Variants in ST6GALNAC5 observed in about 807,000 individuals in gnomAD.
ST6GALNAC5 encodes ST6 N-acetylgalactosaminide alpha-2,6-sialyltransferase 5.
ST6GALNAC5 carries 27 observed loss-of-function variants against 33.6 expected under a neutral mutation model. The ratio of observed to expected loss-of-function variants is 0.80; its 90% CI spans 0.59 to 1.11. The LOEUF (loss-of-function observed/expected upper bound fraction) is 1.11. Ranked by LOEUF, ST6GALNAC5 falls within the 50% of genes least tolerant of loss-of-function variation. The pLI, the probability that ST6GALNAC5 is intolerant of heterozygous loss-of-function variation, is 0.00. For synonymous variants in ST6GALNAC5, 194 were observed against 171.2 expected (o/e 1.13, Z -1.04); for missense variants, 428 against 454.0 (o/e 0.94, Z 0.52).
At chr1:76,877,189 G>A (rs970781487) in intron 2 of ST6GALNAC5, among the ~76,000 whole-genome samples, 1 of 152,148 alleles carries the variant, frequency 6.6e-6, no homozygotes, top group South Asian at 2.1e-4. Context: ...AGATGGCAGG[G>A]CCTTGCTCCA....
At chr1:76,927,007 T>G (rs1167308589) in intron 2 of ST6GALNAC5, among the ~76,000 whole-genome samples, 2 of 152,146 alleles carry the variant, frequency 1.3e-5, no homozygotes, top group Admixed American at 1.3e-4. Context: ...GATTTTCATC[T>G]TATTTAAAAT....
chr1:76,893,610 A>G (rs1475370406), intron 2 of ST6GALNAC5, among the ~76,000 whole-genome samples: 5 of 152,156 alleles, frequency 3.3e-5, no homozygotes, highest in Non-Finnish European at 7.4e-5. Flanking sequence ...GACTCAGGAA[A>G]TATTAGCCAT....
At chr1:76,935,574 G>T (rs1255823169) in intron 2 of ST6GALNAC5, among the ~76,000 whole-genome samples, 3 of 151,996 alleles carry the variant, frequency 2.0e-5, no homozygotes, top group African/African-American at 7.2e-5. Flanking sequence ...TTAATTTGGG[G>T]ATAAAATTGG....
intron 2 of ST6GALNAC5, among the ~76,000 whole-genome samples, chr1:76,968,227 G>C (rs966637754): frequency 3.3e-5 from 5 of 152,150 alleles, no homozygotes; most frequent in African/African-American, 1.2e-4. Context: ...AAGTCCCTTT[G>C]TAGGTCTCTA....
chr1:77,063,832 A>G lies in ST6GALNAC5; in HGVS notation c.*626A>G, dbSNP rs1181407318. The G allele has an allele frequency of 6.5e-6, 1 of 152,978 alleles. No individual in the cohort carries two copies. The allele number at this position is 152,978 out of a possible 1,614,324, so 9.5% of individuals were successfully genotyped here. ...CTCTTTAATCCTGAATGATGGTTGG[A>G]AATGGCCTAGAATTAGGTTACTCTG... On this transcript the variant is annotated 3_prime_UTR_variant, in exon 5 of 5. Transcript: ENST00000477717.
intron 2 of ST6GALNAC5, among the ~76,000 whole-genome samples, chr1:77,007,743 A>G (rs1302727140): frequency 6.6e-6 from 1 of 152,264 alleles, no homozygotes; most frequent in Non-Finnish European, 1.5e-5. Flanking sequence ...TGTAATCCTT[A>G]TAGCTTGGTG....
At chr1:76,963,698 G>C (rs1648340563) in intron 2 of ST6GALNAC5, among the ~76,000 whole-genome samples, 1 of 152,148 alleles carries the variant, frequency 6.6e-6, no homozygotes, top group Non-Finnish European at 1.5e-5. Flanking sequence ...ATTTGTGGTA[G>C]ACAGAACAAA....
chr1:76,872,364 G>A (rs375680232), intron 2 of ST6GALNAC5, among the ~76,000 whole-genome samples: 33 of 152,222 alleles, frequency 2.2e-4, no homozygotes, highest in East Asian at 1.4e-3. Context: ...ATGAAAGGGC[G>A]GTGATCAATG....
intron 2 of ST6GALNAC5, among the ~76,000 whole-genome samples, chr1:76,914,199 C>T (rs374968232): frequency 6.6e-6 from 1 of 152,144 alleles, no homozygotes; most frequent in South Asian, 2.1e-4. Context: ...AGGATACAAA[C>T]AAATGGAAGA....
At chr1:77,032,113 C>A (rs1219293506) in intron 2 of ST6GALNAC5, among the ~76,000 whole-genome samples, 1 of 152,064 alleles carries the variant, frequency 6.6e-6, no homozygotes, top group South Asian at 2.1e-4. Context: ...ATTATTGCTC[C>A]GGTTTACAAT....
chr1:77,055,615 A>G (rs763954550), intron 4 of ST6GALNAC5, among the ~76,000 whole-genome samples: 39 of 152,202 alleles, frequency 2.6e-4, no homozygotes, highest in Non-Finnish European at 5.3e-4. Flanking sequence ...CTCAAGAGCC[A>G]ATGCTCTTAA....
At position 76,945,065 on chromosome 1, in the gene ST6GALNAC5, G is replaced by A. The variant is rs374006206; in HGVS notation, c.261+76323G>A. Among the ~76,000 whole-genome samples the A allele has an allele frequency of 3.3e-5, 5 of 152,144 alleles. No homozygotes were observed. The East Asian group carries it at 7.8e-4, about 24-fold the overall frequency. On this transcript the variant is annotated intron_variant, in intron 2 of 4. Coordinates refer to ENST00000477717, the MANE Select transcript of ST6GALNAC5 (RefSeq NM_030965.3). ...GAGTCTGGGCAATGCTAGAGTCAGTGGGTAAAATGGCTTTGGAGTGTGGCA... is the reference window on the plus strand; with the variant it reads ...GAGTCTGGGCAATGCTAGAGTCAGTAGGTAAAATGGCTTTGGAGTGTGGCA...
At chr1:76,896,791 G>A (rs1654150066) in intron 2 of ST6GALNAC5, among the ~76,000 whole-genome samples, 1 of 152,204 alleles carries the variant, frequency 6.6e-6, no homozygotes, top group Non-Finnish European at 1.5e-5. Flanking sequence ...GAGAAATGTA[G>A]AGAGTGTGTT....
intron 2 of ST6GALNAC5, among the ~76,000 whole-genome samples, chr1:76,902,045 T>C (rs1646822734): frequency 6.6e-6 from 1 of 152,032 alleles, no homozygotes; most frequent in Non-Finnish European, 1.5e-5. Context: ...TACATTGAGA[T>C]CATCTGATTC....
Position 77,064,938 on chromosome 1 carries a change from A to G in ST6GALNAC5, c.*1732A>G, listed in dbSNP as rs1324394385. 2 of 152,224 alleles carry G rather than the reference A, an allele frequency of 1.3e-5. No individual in the cohort carries two copies. The highest frequency in any genetic ancestry group is 2.9e-5 in the Non-Finnish European group (2 of 68,036). The allele number at this position is 152,224 out of a possible 1,614,324, so 9.4% of individuals were successfully genotyped here. On this transcript the variant is annotated 3_prime_UTR_variant, in exon 5 of 5. Coordinates refer to ENST00000477717, the MANE Select transcript of ST6GALNAC5 (RefSeq NM_030965.3). Reference sequence around the variant, plus strand: ...TTGTTGTTAAAATGCAAACACAATCAGGGTACTCACATAACATAAACAAAG... The same window carrying G: ...TTGTTGTTAAAATGCAAACACAATCGGGGTACTCACATAACATAAACAAAG...
intron 2 of ST6GALNAC5, among the ~76,000 whole-genome samples, chr1:76,903,164 A>G (rs1646834260): frequency 6.6e-6 from 1 of 152,206 alleles, no homozygotes; most frequent in African/African-American, 2.4e-5. Flanking sequence ...TGTATCCAGA[A>G]TATGTAAAGA....
At position 77,065,012 on chromosome 1, in the gene ST6GALNAC5, A is replaced by G. The variant is rs1009161362; in HGVS notation, c.*1806A>G. 2 of 152,200 alleles carry G rather than the reference A, an allele frequency of 1.3e-5. No homozygotes were observed. The highest frequency in any genetic ancestry group is 4.8e-5 in the African/African-American group (2 of 41,456). The allele number at this position is 152,200 out of a possible 1,614,324, so 9.4% of individuals were successfully genotyped here. The stretch of plus-strand genomic sequence containing the variant: ...GGCTGTTCAAAGCCAGTAAGATTGA[A>G]ATGGCCGTCCAAAACATACTGGAAT... On this transcript the variant is annotated 3_prime_UTR_variant, in exon 5 of 5. Transcript: ENST00000477717.
rs1337603030 is a variant in ST6GALNAC5 at position 77,031,180 on chromosome 1, G to A, written c.262-13024G>A. Among the ~76,000 whole-genome samples the A allele has an allele frequency of 3.3e-5, 5 of 152,194 alleles. No homozygotes were observed. In the East Asian group the frequency reaches 9.6e-4, roughly 29 times the overall value. ...TAATGTCCATCAATGATTAGCAAAT[G>A]AGTAGACGGTGCCTTTGTCAATAAT... On this transcript the variant is annotated intron_variant, in intron 2 of 4. Coordinates refer to ENST00000477717, the MANE Select transcript of ST6GALNAC5 (RefSeq NM_030965.3).
At chr1:76,893,029 G>C (rs942367752) in intron 2 of ST6GALNAC5, among the ~76,000 whole-genome samples, 3 of 152,104 alleles carry the variant, frequency 2.0e-5, no homozygotes, top group Admixed American at 2.0e-4. Flanking sequence ...GAGGTTCCTA[G>C]ACAACAGGAT....
Sources: allele counts gnomAD v4.1 joint callset (sites outside exome capture counted in the v4.1 genomes callset), GRCh38; gene constraint gnomAD v4.1.1; transcripts MANE v1.5; gene names NCBI Gene and HGNC (gene_info 2026-07-23, HGNC 2026-07-21).